Variants in LUZP2 observed in about 807,000 individuals in gnomAD.
LUZP2 encodes the protein leucine zipper protein 2.
LUZP2 carries 52 observed loss-of-function variants against 51.6 expected under a neutral mutation model. That is an observed-to-expected ratio of 1.01 (90% CI 0.81 to 1.27). LUZP2 has a LOEUF of 1.27. Ranked by LOEUF, LUZP2 falls within the 50% of genes most tolerant of loss-of-function variation. The probability of loss-of-function intolerance (pLI) is 0.00; values close to 1 mark genes in which losing one functional copy is unlikely to be tolerated. For synonymous variants in LUZP2, 154 were observed against 137.3 expected, an observed-to-expected ratio of 1.12 and a Z score of -0.85; for missense variants, 436 against 395.4, an observed-to-expected ratio of 1.10 and a Z score of -0.87.
intron 9 of LUZP2, among the ~76,000 whole-genome samples, chr11:24,986,392 A>G (rs1165742790): frequency 6.6e-6 from 1 of 151,680 alleles, no homozygotes; most frequent in Non-Finnish European, 1.5e-5. Context: ...ACTATATAAT[A>G]GTATACTACT....
chr11:24,840,607 A>G (rs1245295888), intron 5 of LUZP2, among the ~76,000 whole-genome samples: 1 of 151,928 alleles, frequency 6.6e-6, no homozygotes, highest in East Asian at 1.9e-4. Context: ...CCATAGCTCT[A>G]CTGAAAAAGT....
At chr11:24,654,966 A>G (rs1855757659) in intron 1 of LUZP2, among the ~76,000 whole-genome samples, 1 of 152,076 alleles carries the variant, frequency 6.6e-6, no homozygotes, top group African/African-American at 2.4e-5. Flanking sequence ...CTAAGTTCCT[A>G]TAATAAACAT....
chr11:24,631,873 G>C (rs535192393), intron 1 of LUZP2, among the ~76,000 whole-genome samples: 1 of 151,924 alleles, frequency 6.6e-6, no homozygotes, highest in South Asian at 2.1e-4. Context: ...GTCATTAGTG[G>C]TCTGTTCAGG....
At chr11:24,678,970 A>G (rs1264037552) in intron 1 of LUZP2, among the ~76,000 whole-genome samples, 1 of 152,250 alleles carries the variant, frequency 6.6e-6, no homozygotes, top group Non-Finnish European at 1.5e-5. Context: ...ACTAAGTGTT[A>G]TGTCCTCTAG....
intron 9 of LUZP2, among the ~76,000 whole-genome samples, chr11:24,986,269 T>TA (rs1856184045): frequency 6.6e-6 from 1 of 151,636 alleles, no homozygotes; most frequent in African/African-American, 2.4e-5. Context: ...TATATATACT[T>TA]ACAATTAAAT....
intron 1 of LUZP2, among the ~76,000 whole-genome samples, chr11:24,602,166 G>GTATATGTGTATATGTATATATGTATATA (rs1338367271): frequency 8.4e-5 from 8 of 94,708 alleles, no homozygotes; most frequent in Non-Finnish European, 1.4e-4. Flanking sequence ...ATGTATATAT[G>GTATATGTGTATATGTATATATGTATATA]TGTATATATA....
intron 1 of LUZP2, among the ~76,000 whole-genome samples, chr11:24,578,020 C>T (rs1272498242): frequency 1.3e-5 from 2 of 152,132 alleles, no homozygotes; most frequent in African/African-American, 4.8e-5. Context: ...AGCCATCGCT[C>T]AGCATGTGTT....
At chr11:24,747,439 T>C (rs1156278067) in intron 4 of LUZP2, among the ~76,000 whole-genome samples, 1 of 152,092 alleles carries the variant, frequency 6.6e-6, no homozygotes, top group African/African-American at 2.4e-5. Context: ...GCACCTGTTC[T>C]GGTGGAGGTG....
chr11:24,663,522 G>T (rs565955209), intron 1 of LUZP2, among the ~76,000 whole-genome samples: 2 of 152,268 alleles, frequency 1.3e-5, no homozygotes, highest in African/African-American at 4.8e-5. Flanking sequence ...TAATTGTGTA[G>T]TGTGACTTTC....
chr11:24,738,013 C>T (rs901581555), intron 3 of LUZP2, among the ~76,000 whole-genome samples: 58 of 151,662 alleles, frequency 3.8e-4, no homozygotes, highest in African/African-American at 1.3e-3. Flanking sequence ...AAAAAAAAAT[C>T]AACTTGCTTT....
intron 9 of LUZP2, among the ~76,000 whole-genome samples, chr11:25,006,111 T>G (rs1016916317): frequency 2.6e-5 from 4 of 152,042 alleles, no homozygotes; most frequent in African/African-American, 9.7e-5. Context: ...CCCCTATGAT[T>G]GTGCTTTGGG....
intron 1 of LUZP2, among the ~76,000 whole-genome samples, chr11:24,635,955 G>T (rs10834411): frequency 0.13 from 19,847 of 152,072 alleles, 1,481 homozygotes; most frequent in East Asian, 0.3. Context: ...GCAGAGACAT[G>T]CTATCCTTAC....
intron 5 of LUZP2, among the ~76,000 whole-genome samples, chr11:24,859,156 TACA>T (rs1851657439): frequency 6.6e-6 from 1 of 152,156 alleles, no homozygotes; most frequent in African/African-American, 2.4e-5. Context: ...AATAGTATAG[TACA>T]ACAATAGTTA....
At chr11:24,943,618 C>A (rs1215112847) in intron 7 of LUZP2, among the ~76,000 whole-genome samples, 1 of 152,124 alleles carries the variant, frequency 6.6e-6, no homozygotes, top group African/African-American at 2.4e-5. Flanking sequence ...TGGCTCATGC[C>A]TGTAATCCCA....
chr11:24,760,407 AG>A (rs1859938678), intron 4 of LUZP2, among the ~76,000 whole-genome samples: 1 of 152,114 alleles, frequency 6.6e-6, no homozygotes, highest in African/African-American at 2.4e-5. Flanking sequence ...TTTGGGTTAC[AG>A]TGGTGATACC....
intron 5 of LUZP2, among the ~76,000 whole-genome samples, chr11:24,895,792 G>A (rs750975943): frequency 1.3e-5 from 2 of 152,176 alleles, no homozygotes; most frequent in Non-Finnish European, 2.9e-5. Flanking sequence ...GTGGGGCAAT[G>A]AACATGTGAG....
chr11:24,998,212 G>A (rs564936287), intron 9 of LUZP2, among the ~76,000 whole-genome samples: 289 of 151,738 alleles, frequency 1.9e-3, no homozygotes, highest in African/African-American at 6.8e-3. Context: ...ACCTTGGGCA[G>A]TATGGCCATT....
intron 9 of LUZP2, among the ~76,000 whole-genome samples, chr11:25,030,892 T>TGTA (rs1857628961): frequency 1.3e-4 from 1 of 7,932 alleles, no homozygotes; most frequent in East Asian, 1.6e-3. Context: ...CTATATATAT[T>TGTA]ATATATATAT....
intron 10 of LUZP2, among the ~76,000 whole-genome samples, chr11:25,074,511 G>T (rs976159049): frequency 6.6e-6 from 1 of 152,032 alleles, no homozygotes; most frequent in African/African-American, 2.4e-5. Context: ...ATGATCAAAG[G>T]CTTATCTCGA....
Sources: allele counts gnomAD v4.1 joint callset (sites outside exome capture counted in the v4.1 genomes callset), GRCh38; gene constraint gnomAD v4.1.1; transcripts MANE v1.5; gene names NCBI Gene and HGNC (gene_info 2026-07-23, HGNC 2026-07-21).